PLS3: variants seen among roughly 807,000 people sequenced by gnomAD.
The protein encoded by PLS3 is plastin-3.
PLS3 carries 11 observed loss-of-function variants against 46.5 expected under a neutral mutation model. The ratio of observed to expected loss-of-function variants is 0.24; its 90% CI spans 0.15 to 0.39. The LOEUF (loss-of-function observed/expected upper bound fraction) is 0.39. Among genes scored for constraint, PLS3 ranks in the 10% least tolerant of loss-of-function variants. The pLI, the probability that PLS3 is intolerant of heterozygous loss-of-function variation, is 1.00. For missense variants in PLS3, 308 were observed against 461.8 expected, an observed-to-expected ratio of 0.67 and a Z score of 3.05; for synonymous variants, 167 against 162.2, an observed-to-expected ratio of 1.03 and a Z score of -0.22.
At chrX:115,563,641 T>C (rs1410464326) in intron 1 of PLS3, among the ~76,000 whole-genome samples, 1 of 112,224 alleles carries the variant, frequency 8.9e-6, no homozygotes, top group East Asian at 2.8e-4. Flanking sequence ...TCTGACTTTG[T>C]ATTCTTTTGC....
At chrX:115,644,599 AAAATAAATAAAT>A (rs57763072) in intron 10 of PLS3, among the ~76,000 whole-genome samples, 4 of 99,356 alleles carry the variant, frequency 4.0e-5, no homozygotes, top group South Asian at 4.7e-4. Flanking sequence ...CTCCATCTCA[AAAATAAATAAAT>A]AAATAAATAA....
intron 2 of PLS3, 145 bp from the exon 3 acceptor site, chrX:115,622,101 C>T (rs1395999076): frequency 2.2e-6 from 1 of 464,387 alleles, no homozygotes; most frequent in Non-Finnish European, 3.6e-6. Flanking sequence ...TGTCCATTTC[C>T]CTTTCAAACA....
chrX:115,644,599 AAAAT>A (rs57763072), intron 10 of PLS3, among the ~76,000 whole-genome samples: 155 of 99,354 alleles, frequency 1.6e-3, no homozygotes, highest in Middle Eastern at 5.1e-3. Flanking sequence ...CTCCATCTCA[AAAAT>A]AAATAAATAA....
intron 1 of PLS3, among the ~76,000 whole-genome samples, chrX:115,609,079 GAGAA>G (rs1186688534): frequency 9.1e-6 from 1 of 109,798 alleles, no homozygotes; most frequent in African/African-American, 3.3e-5. Flanking sequence ...TACAAAAAAA[GAGAA>G]AGAAATAAAG....
intron 1 of PLS3, among the ~76,000 whole-genome samples, chrX:115,577,455 A>G (rs1321994472): frequency 1.0e-5 from 1 of 95,279 alleles, no homozygotes; most frequent in Non-Finnish European, 2.1e-5. Context: ...TATATTGAAT[A>G]TACATTATAG....
intron 5 of PLS3, among the ~76,000 whole-genome samples, chrX:115,632,725 A>G (rs2147545054): frequency 9.1e-6 from 1 of 109,777 alleles, no homozygotes; most frequent in South Asian, 3.9e-4. Flanking sequence ...TCTTTAAAAT[A>G]TATTCAATAA....
At chrX:115,611,794 C>T (rs986232394) in intron 2 of PLS3, among the ~76,000 whole-genome samples, 1 of 111,669 alleles carries the variant, frequency 9.0e-6, no homozygotes, top group Non-Finnish European at 1.9e-5. Flanking sequence ...ACTTCATTGT[C>T]CCTTAAAAGC....
chrX:115,583,404 T>C (rs2074290151), intron 1 of PLS3, among the ~76,000 whole-genome samples: 1 of 112,896 alleles, frequency 8.9e-6, no homozygotes, highest in Non-Finnish European at 1.9e-5. Flanking sequence ...AGGAATTACA[T>C]GGAAGAATTA....
chrX:115,577,395 C>T (rs782314249), intron 1 of PLS3, among the ~76,000 whole-genome samples: 13 of 111,720 alleles, frequency 1.2e-4, no homozygotes, highest in Non-Finnish European at 2.3e-4. Context: ...TAAAGAGTTT[C>T]CTATATTGTA....
intron 1 of PLS3, among the ~76,000 whole-genome samples, chrX:115,595,687 CTTT>C (rs35860715): frequency 5.3e-4 from 44 of 82,953 alleles, no homozygotes; most frequent in South Asian, 3.3e-3. Context: ...TATTTTCTTT[CTTT>C]TTTTTTTTTT....
At chrX:115,619,452 C>A (rs1196009304) in intron 2 of PLS3, among the ~76,000 whole-genome samples, 6 of 112,221 alleles carry the variant, frequency 5.3e-5, no homozygotes, top group African/African-American at 1.9e-4. Context: ...ATTCATAAAA[C>A]AAGAGCCACT....
chrX:115,647,740 A>G (rs2074967305), intron 14 of PLS3, 67 bp downstream of exon 14: 14 of 1,127,931 alleles, frequency 1.2e-5, no homozygotes, highest in Non-Finnish European at 1.7e-5. Context: ...TGGGAAGGCA[A>G]CTTTTGGCTT....
intron 2 of PLS3, among the ~76,000 whole-genome samples, chrX:115,613,941 T>A (rs2074570889): frequency 9.2e-6 from 1 of 108,498 alleles, no homozygotes; most frequent in African/African-American, 3.2e-5. Flanking sequence ...TGAATTTTTT[T>A]ATTTTTTTAT....
chrX:115,610,220 A>T, intron 1 of PLS3, 23 bp from the exon 2 acceptor site: 1 of 905,143 alleles, frequency 1.1e-6, no homozygotes, highest in Non-Finnish European at 1.6e-6. Flanking sequence ...TTAAAGTCTG[A>T]AACGTTTTTG....
intron 9 of PLS3, 82 bp downstream of exon 9, chrX:115,640,585 G>T: frequency 1.9e-6 from 1 of 532,924 alleles, no homozygotes; most frequent in Admixed American, 2.9e-5. Flanking sequence ...TTTTATAATC[G>T]TATGAAGTAG....
At chrX:115,646,333 A>G in intron 12 of PLS3, 69 bp from the exon 13 acceptor site, 1 of 1,074,260 alleles carries the variant, frequency 9.3e-7, no homozygotes, top group Non-Finnish European at 1.3e-6. Flanking sequence ...GCATTATACA[A>G]GACACACACA....
chrX:115,605,916 TC>T (rs1332564881), intron 1 of PLS3, among the ~76,000 whole-genome samples: 1 of 111,083 alleles, frequency 9.0e-6, no homozygotes, highest in Admixed American at 9.7e-5. Context: ...TTGTAATTAT[TC>T]ATGTTTGCTT....
rs1012566769 is a variant in PLS3, at chrX:115,621,037, G to A, written c.74-1209G>A. ...TTTATTTTATATATTTTTTTGAGAC[G>A]GAGTCTCACTCTGTTGCCCAGGCTG... On this transcript the variant is annotated intron_variant, in intron 2 of 15. Coordinates refer to ENST00000355899, the MANE Select transcript of PLS3 (RefSeq NM_005032.7). Among the ~76,000 whole-genome samples the A allele has an allele frequency of 1.5e-4, 16 of 104,512 alleles. No homozygotes were observed. In the South Asian group the frequency reaches 1.8e-3, roughly 11 times the overall value. 90.8% of individuals were successfully genotyped at this position (104,512 alleles called of 115,157 possible).
chrX:115,578,507 C>T (rs1011055859), intron 1 of PLS3, among the ~76,000 whole-genome samples: 1 of 109,695 alleles, frequency 9.1e-6, no homozygotes, highest in African/African-American at 3.3e-5. Flanking sequence ...AGGCGGATCA[C>T]GAGGTTAGGA....
Sources: gnomAD v4.1 joint callset for allele counts (sites outside exome capture counted in the v4.1 genomes callset) on GRCh38, gnomAD v4.1.1 for gene constraint, MANE v1.5 for transcripts, NCBI Gene and HGNC (gene_info 2026-07-23, HGNC 2026-07-21) for gene names.